Variants in AKR1B1 observed in about 807,000 individuals in gnomAD.
AKR1B1 encodes the protein aldo-keto reductase family 1 member B1.
In AKR1B1, 22 loss-of-function variants were observed where a neutral mutation model predicts 40.4. The ratio of observed to expected loss-of-function variants is 0.54; its 90% confidence interval spans 0.39 to 0.78. The LOEUF (loss-of-function observed/expected upper bound fraction) is 0.78, where lower values mean the gene tolerates loss of function less well. AKR1B1 is among the 30% of genes least tolerant of loss of function. The pLI, the probability that AKR1B1 is intolerant of heterozygous loss-of-function variation, is 0.00. For synonymous variants in AKR1B1, 157 were observed against 149.9 expected (o/e 1.05, Z -0.35); for missense variants, 357 against 396.7 (o/e 0.90, Z 0.85).
chr7:134,458,699 A>C (rs1251729670), intron 1 of AKR1B1, among the ~76,000 whole-genome samples: 5 of 152,206 alleles, frequency 3.3e-5, no homozygotes, highest in Admixed American at 6.5e-5. Context: ...CAAAATGCGG[A>C]CTGGTGGGCC....
At chr7:134,450,390 A>G (rs1806245999) in intron 3 of AKR1B1, among the ~76,000 whole-genome samples, 1 of 152,190 alleles carries the variant, frequency 6.6e-6, no homozygotes, top group African/African-American at 2.4e-5. Flanking sequence ...GAACGTGGGT[A>G]GGGACTCATG....
intron 1 of AKR1B1, among the ~76,000 whole-genome samples, chr7:134,456,079 G>A (rs1054026074): frequency 6.6e-5 from 10 of 152,210 alleles, no homozygotes; most frequent in Non-Finnish European, 1.5e-4. Context: ...AGACCCAGGA[G>A]AATAAGGAAC....
At chr7:134,449,351 C>T (rs968477622) in intron 4 of AKR1B1, 8 of 601,858 alleles carry the variant, frequency 1.3e-5, no homozygotes, top group East Asian at 2.9e-5. Context: ...CTTTGGGAGG[C>T]TGAGGCGGGC....
intron 2 of AKR1B1, chr7:134,451,195 T>C (rs1806276503): frequency 7.3e-6 from 4 of 549,584 alleles, no homozygotes; most frequent in Non-Finnish European, 1.3e-5. Flanking sequence ...GGGCTGGTGT[T>C]TGTGGAGCCA....
At chr7:134,458,536 AC>A (rs1217368979) in intron 1 of AKR1B1, among the ~76,000 whole-genome samples, 1 of 152,204 alleles carries the variant, frequency 6.6e-6, no homozygotes, top group Non-Finnish European at 1.5e-5. Flanking sequence ...CAACCGGGCT[AC>A]AGGTGCCTCG....
At chr7:134,459,188 C>T, upstream of AKR1B1, 2 of 1,234,712 alleles carry the variant, frequency 1.6e-6, no homozygotes, top group African/African-American at 1.5e-5. Flanking sequence ...GCGAAGGAGC[C>T]TTCTGATTGG....
Position 134,450,900 on chromosome 7 carries a change from C to T in AKR1B1, c.237G>A (p.Leu79=), listed in dbSNP as rs778577954. ...GGCCCTTCTCATGGTACGTGCACCA[C>T]AGCTAAGCCAGCGAGAGGGCACATG... ...KREELFIVSK[L]WCTYHEKGLV... Residue 79 remains leucine (L), a splice_region_variant and synonymous_variant, in exon 3 of 10, where the codon CTG becomes CTA. Coordinates refer to ENST00000285930, the MANE Select transcript of AKR1B1 (RefSeq NM_001628.4). 10 of 1,613,554 alleles carry T rather than the reference C, an allele frequency of 6.2e-6. No individual in the cohort carries two copies. In the Middle Eastern group the frequency reaches 5.0e-4, roughly 80 times the overall value.
chr7:134,447,415 A>G (rs747721350), intron 7 of AKR1B1, 34 bp from the exon 8 acceptor site: 10 of 1,578,858 alleles, frequency 6.3e-6, no homozygotes, highest in Non-Finnish European at 7.0e-6. Context: ...GTGTGTATAC[A>G]TGCCAGGCAC....
Position 134,449,709 on chromosome 7 carries a change from G to T in AKR1B1, c.429+11C>A, listed in dbSNP as rs377548852. 150 of 1,611,664 alleles carry T rather than the reference G, an allele frequency of 9.3e-5. No individual in the cohort carries two copies. ...GTCACGAAAACAAGGTCCAACCAGG[G>T]GCTGTCTTACCGCCCACGTGTCCAG... On this transcript the variant is annotated intron_variant, in intron 4 of 9. Transcript: ENST00000285930.
At chr7:134,445,020 C>T in intron 9 of AKR1B1, 1 of 631,440 alleles carries the variant, frequency 1.6e-6, no homozygotes, top group Non-Finnish European at 2.8e-6. Flanking sequence ...AACAATGCCC[C>T]AGGGCTGGAA....
At chr7:134,454,608 AT>A (rs1262607717) in intron 1 of AKR1B1, among the ~76,000 whole-genome samples, 1 of 152,202 alleles carries the variant, frequency 6.6e-6, no homozygotes, top group Middle Eastern at 3.2e-3. Flanking sequence ...GAGATTGGAT[AT>A]TTTGCAATAT....
Position 134,448,444 on chromosome 7 carries a change from T to G in AKR1B1, c.602A>C (p.Gln201Pro). 2 of 1,614,050 alleles carry G rather than the reference T, an allele frequency of 1.2e-6. No homozygotes were observed. Residue 201 changes from glutamine to proline, a missense_variant, in exon 6 of 10, where the codon CAG becomes CCG. Gln to Pro is a moderately conservative substitution (Grantham distance 76). Transcript: ENST00000285930. ...LTQEKLIQYC[Q>P]SKGIVVTAYS... ...GGCGGTCACCACGATGCCTTTGGAC[T>G]GGCAGTACTGGATTAACTTCTCCTG...
chr7:134,455,659 T>C (rs1585718763), intron 1 of AKR1B1, among the ~76,000 whole-genome samples: 1 of 151,846 alleles, frequency 6.6e-6, no homozygotes, highest in East Asian at 1.9e-4. Flanking sequence ...TCTCAGATCA[T>C]GGCAACCTCT....
intron 7 of AKR1B1, 33 bp from the exon 8 acceptor site, chr7:134,447,414 C>T (rs376757230): frequency 1.9e-6 from 3 of 1,578,036 alleles, no homozygotes; most frequent in Non-Finnish European, 2.6e-6. Context: ...AGTGTGTATA[C>T]ATGCCAGGCA....
At chr7:134,444,851 A>G in intron 9 of AKR1B1, 1 of 340,102 alleles carries the variant, frequency 2.9e-6, no homozygotes, top group South Asian at 2.7e-5. Flanking sequence ...GGGGCTCCCG[A>G]CCAAACCCCT....
rs566928579 is a variant in AKR1B1 at position 134,445,993 on chromosome 7, C to T, written c.826-673G>A. 3.9e-5 allele frequency among the ~76,000 whole-genome samples: 6 copies of T among 152,292 alleles called. No individual in the cohort carries two copies. In the East Asian group the frequency reaches 9.6e-4, roughly 24 times the overall value. On this transcript the variant is annotated intron_variant, in intron 8 of 9. Coordinates refer to ENST00000285930, the MANE Select transcript of AKR1B1 (RefSeq NM_001628.4). ...AGAGGCTGACACACACTCCCAGAGC[C>T]GAAGGGCTCTTAGCTTCAGATGATC...
intron 9 of AKR1B1, 54 bp downstream of exon 9, chr7:134,445,184 G>A: frequency 1.4e-6 from 2 of 1,475,998 alleles, no homozygotes; most frequent in Non-Finnish European, 1.9e-6. Flanking sequence ...CTCTCTTGCT[G>A]TGCAGCATCT....
In AKR1B1 at chr7:134,449,772, T is replaced by C; in HGVS notation, c.377A>G (p.Asp126Gly). The C allele has an allele frequency of 1.2e-6, 2 of 1,614,008 alleles. No homozygotes were observed. The highest frequency in any genetic ancestry group is 1.3e-5 in the African/African-American group (1 of 74,990). ...ACTGGGAACCACATTGCCCGACTCA[T>C]CCAATGGGAAAAATTCCTTCCCAGG... is the stretch of plus-strand genomic sequence containing the variant. ...FKPGKEFFPL[D>G]ESGNVVPSDT... Residue 126 changes from aspartate (D) to glycine (G), a missense_variant, in exon 4 of 10, where the codon GAT becomes GGT. By Grantham distance (94) the Asp-to-Gly change is moderately conservative (BLOSUM62 -1). Coordinates refer to ENST00000285930, the MANE Select transcript of AKR1B1 (RefSeq NM_001628.4).
At chr7:134,457,318 G>A (rs1322780512) in intron 1 of AKR1B1, among the ~76,000 whole-genome samples, 1 of 152,160 alleles carries the variant, frequency 6.6e-6, no homozygotes, top group Non-Finnish European at 1.5e-5. Context: ...CCAGTTACAT[G>A]TATATATCTG....
Sources: gnomAD v4.1 joint callset for allele counts (sites outside exome capture counted in the v4.1 genomes callset) on GRCh38, gnomAD v4.1.1 for gene constraint, MANE v1.5 for transcripts, NCBI Gene and HGNC (gene_info 2026-07-23, HGNC 2026-07-21) for gene names.